The following SLC9A9 variants were observed in gnomAD, a reference collection of about 807,000 sequenced individuals.
SLC9A9 encodes the protein solute carrier family 9 member A9.
A neutral mutation model predicts 77.8 loss-of-function variants in SLC9A9; 62 were observed. That is an observed-to-expected ratio of 0.80 (90% CI 0.65 to 0.98). SLC9A9 has a LOEUF of 0.98. Ranked by LOEUF, SLC9A9 falls within the 50% of genes least tolerant of loss-of-function variation. The pLI is 0.00. For missense variants in SLC9A9, 775 were observed against 774.9 expected (o/e 1.00, Z 0.00); for synonymous variants, 320 against 283.5 (o/e 1.13, Z -1.29).
Position 143,714,011 on chromosome 3 carries a change from G to A in SLC9A9, c.534-20704C>T, listed in dbSNP as rs562895309. On this transcript the variant is annotated intron_variant, in intron 4 of 15. Coordinates refer to ENST00000316549, the MANE Select transcript of SLC9A9 (RefSeq NM_173653.4). ...GCACTATTTTTCCAAACTTGACTGT[G>A]GCTTCTTCACAAATTCTCAGTTTGC... is the stretch of plus-strand genomic sequence containing the variant. 2.2e-4 allele frequency among the ~76,000 whole-genome samples: 33 copies of A among 152,248 alleles called. 1 individual carries two copies. The South Asian group carries it at 6.8e-3, about 32-fold the overall frequency.
At chr3:143,439,036 T>G (rs1319868183) in intron 12 of SLC9A9, among the ~76,000 whole-genome samples, 1 of 152,256 alleles carries the variant, frequency 6.6e-6, no homozygotes, top group Non-Finnish European at 1.5e-5. Context: ...CATGCCCAGC[T>G]GCAGGTGACG....
chr3:143,615,969 C>T (rs2038097183), intron 6 of SLC9A9, among the ~76,000 whole-genome samples: 1 of 151,902 alleles, frequency 6.6e-6, no homozygotes, highest in Non-Finnish European at 1.5e-5. Flanking sequence ...CAAGCTCTGC[C>T]TCCTGGGTTC....
chr3:143,466,265 TA>T (rs1283676812), intron 12 of SLC9A9, among the ~76,000 whole-genome samples: 1 of 152,250 alleles, frequency 6.6e-6, no homozygotes, highest in African/African-American at 2.4e-5. Flanking sequence ...ATAGATTTGA[TA>T]AATAAAATGT....
chr3:143,650,011 T>A (rs1424229868), intron 6 of SLC9A9, among the ~76,000 whole-genome samples: 1 of 152,008 alleles, frequency 6.6e-6, no homozygotes, highest in African/African-American at 2.4e-5. Flanking sequence ...TGTGCAGGGG[T>A]GAAGCAGAAG....
rs768686994 is a variant in SLC9A9 at position 143,532,567 on chromosome 3, T to A, written c.1089+19795A>T. 2.0e-5 allele frequency among the ~76,000 whole-genome samples: 3 copies of A among 152,186 alleles called. No individual in the cohort carries two copies. The East Asian group carries it at 5.8e-4, about 29-fold the overall frequency. ...TTAAATTTTACTTTACAAGCTTTTG[T>A]ACCACGAATTTTTATAAAAATCATG... On this transcript the variant is annotated intron_variant, in intron 9 of 15. Transcript: ENST00000316549.
At chr3:143,269,211 G>T (rs1362264641) in intron 14 of SLC9A9, among the ~76,000 whole-genome samples, 1 of 152,180 alleles carries the variant, frequency 6.6e-6, no homozygotes, top group Non-Finnish European at 1.5e-5. Flanking sequence ...GGCCCATGCT[G>T]CATCAGAAGT....
At chr3:143,383,309 G>A (rs1041693114) in intron 12 of SLC9A9, among the ~76,000 whole-genome samples, 1 of 152,108 alleles carries the variant, frequency 6.6e-6, no homozygotes, top group Admixed American at 6.5e-5. Flanking sequence ...TTCCTACTCC[G>A]GGGTGGACAG....
chr3:143,738,700 T>C (rs926733870), intron 4 of SLC9A9, among the ~76,000 whole-genome samples: 5 of 152,158 alleles, frequency 3.3e-5, no homozygotes, highest in Admixed American at 3.3e-4. Context: ...AGGACACTTG[T>C]AGTTCTGACC....
At chr3:143,395,350 G>A (rs1395484810) in intron 12 of SLC9A9, among the ~76,000 whole-genome samples, 1 of 152,286 alleles carries the variant, frequency 6.6e-6, no homozygotes, top group African/African-American at 2.4e-5. Flanking sequence ...AATGGGGAAA[G>A]GATTCCCTAT....
At chr3:143,399,424 T>C (rs1055317837) in intron 12 of SLC9A9, among the ~76,000 whole-genome samples, 14 of 152,146 alleles carry the variant, frequency 9.2e-5, no homozygotes, top group African/African-American at 3.4e-4. Flanking sequence ...GAATTCATGG[T>C]TAACACTAGA....
intron 9 of SLC9A9, among the ~76,000 whole-genome samples, chr3:143,539,277 T>TTAGGAGTTA (rs2036645983): frequency 6.6e-6 from 1 of 152,234 alleles, no homozygotes; most frequent in Non-Finnish European, 1.5e-5. Context: ...GGGTACTTTA[T>TTAGGAGTTA]TAGGAGTTAT....
chr3:143,756,714 C>G (rs1212999781), intron 4 of SLC9A9, among the ~76,000 whole-genome samples: 1 of 152,120 alleles, frequency 6.6e-6, no homozygotes, highest in Admixed American at 6.6e-5. Context: ...AAACTTCATA[C>G]AATAAAATAT....
intron 14 of SLC9A9, among the ~76,000 whole-genome samples, chr3:143,329,666 G>C (rs544787357): frequency 8.5e-5 from 13 of 152,166 alleles, no homozygotes; most frequent in Non-Finnish European, 1.5e-4. Flanking sequence ...CTCTGGCAGA[G>C]GGAGCTTCAC....
At chr3:143,510,118 C>T (rs1268880696) in intron 9 of SLC9A9, among the ~76,000 whole-genome samples, 2 of 152,102 alleles carry the variant, frequency 1.3e-5, no homozygotes, top group African/African-American at 4.8e-5. Context: ...GTTAAATATG[C>T]AGAAAGACTT....
intron 9 of SLC9A9, among the ~76,000 whole-genome samples, chr3:143,536,990 G>T (rs1433922004): frequency 6.6e-6 from 1 of 152,032 alleles, no homozygotes; most frequent in Admixed American, 6.6e-5. Context: ...GGAGCCACTG[G>T]CCAGCAAGAT....
At chr3:143,750,817 T>A (rs1234508556) in intron 4 of SLC9A9, among the ~76,000 whole-genome samples, 1 of 151,106 alleles carries the variant, frequency 6.6e-6, no homozygotes, top group Non-Finnish European at 1.5e-5. Context: ...AACAAACCCA[T>A]GGAGGAAAGA....
chr3:143,506,238 T>C (rs1011392434), intron 9 of SLC9A9, among the ~76,000 whole-genome samples: 4 of 152,238 alleles, frequency 2.6e-5, no homozygotes, highest in Non-Finnish European at 2.9e-5. Flanking sequence ...CTTTGTAATG[T>C]ATATAGTCCA....
At chr3:143,581,819 A>G (rs779768405) in intron 6 of SLC9A9, among the ~76,000 whole-genome samples, 11 of 152,182 alleles carry the variant, frequency 7.2e-5, no homozygotes, top group Non-Finnish European at 1.5e-4. Context: ...AGAGCGGAGT[A>G]TGTTGACTAG....
At chr3:143,424,641 G>A (rs2034370705) in intron 12 of SLC9A9, among the ~76,000 whole-genome samples, 1 of 152,096 alleles carries the variant, frequency 6.6e-6, no homozygotes. Flanking sequence ...TGGGATTACA[G>A]GCTTGAGCCA....
Sources: gnomAD v4.1 joint callset for allele counts (sites outside exome capture counted in the v4.1 genomes callset) on GRCh38, gnomAD v4.1.1 for gene constraint, MANE v1.5 for transcripts, NCBI Gene and HGNC (gene_info 2026-07-23, HGNC 2026-07-21) for gene names.